The following PDE4D variants were observed in gnomAD, a reference collection of about 807,000 sequenced individuals.
PDE4D encodes 3',5'-cyclic-AMP phosphodiesterase 4D.
Under a neutral mutation model 87.4 loss-of-function variants are expected in PDE4D, and 24 were observed. The ratio of observed to expected loss-of-function variants is 0.27; its 90% CI spans 0.20 to 0.39. PDE4D has a LOEUF of 0.39. Ranked by LOEUF, PDE4D falls within the 10% of genes least tolerant of loss-of-function variation. The pLI, the probability that PDE4D is intolerant of heterozygous loss-of-function variation, is 1.00. For missense variants in PDE4D, 714 were observed against 1,041.0 expected (o/e 0.69, Z 4.32); for synonymous variants, 384 against 383.2 (o/e 1.00, Z -0.02).
At chr5:59,591,723 A>G (rs1228556656) in intron 1 of PDE4D, among the ~76,000 whole-genome samples, 2 of 152,206 alleles carry the variant, frequency 1.3e-5, no homozygotes, top group African/African-American at 2.4e-5. Context: ...TGTCAAAAAC[A>G]AAACACTTGG....
At chr5:59,879,898 G>A (rs1353130045) in intron 1 of PDE4D, among the ~76,000 whole-genome samples, 1 of 151,980 alleles carries the variant, frequency 6.6e-6, no homozygotes, top group Admixed American at 6.6e-5. Flanking sequence ...ACACCACCAC[G>A]TCCAGCTAAT....
At chr5:59,859,862 T>C (rs1325186960) in intron 1 of PDE4D, among the ~76,000 whole-genome samples, 1 of 152,150 alleles carries the variant, frequency 6.6e-6, no homozygotes, top group Non-Finnish European at 1.5e-5. Context: ...GATTTCAAGA[T>C]TGATATGATC....
At chr5:59,288,273 C>T (rs565411467) in intron 1 of PDE4D, among the ~76,000 whole-genome samples, 94 of 151,800 alleles carry the variant, frequency 6.2e-4, no homozygotes, top group South Asian at 2.5e-3. Flanking sequence ...AAGAATCAAG[C>T]GGAAATTCTG....
intron 1 of PDE4D, among the ~76,000 whole-genome samples, chr5:59,457,817 A>C (rs1243332811): frequency 2.6e-5 from 4 of 152,034 alleles, no homozygotes; most frequent in Non-Finnish European, 5.9e-5. Context: ...AATCGCTTGA[A>C]CCCAGGAAAC....
chr5:59,544,599 C>T (rs929827264), intron 1 of PDE4D, among the ~76,000 whole-genome samples: 1 of 152,170 alleles, frequency 6.6e-6, no homozygotes, highest in Non-Finnish European at 1.5e-5. Flanking sequence ...TTCAGAGCAA[C>T]AAATAAATTC....
At chr5:59,282,469 C>T (rs4700329) in intron 1 of PDE4D, among the ~76,000 whole-genome samples, 47,329 of 151,196 alleles carry the variant, frequency 0.31, 9,270 homozygotes, top group East Asian at 0.68. Context: ...GGTGAAACCC[C>T]GTCTCTACTA....
At chr5:60,417,887 C>A (rs1252781558) in intron 1 of PDE4D, among the ~76,000 whole-genome samples, 1 of 146,550 alleles carries the variant, frequency 6.8e-6, no homozygotes, top group African/African-American at 2.5e-5. Context: ...AAAGGGAATG[C>A]AAGAGAGAGG....
chr5:59,428,910 C>T (rs902591219), intron 1 of PDE4D, among the ~76,000 whole-genome samples: 1 of 152,108 alleles, frequency 6.6e-6, no homozygotes, highest in African/African-American at 2.4e-5. Context: ...GGTATTTTTA[C>T]AAATCCCAAG....
rs1237487684 is a variant in PDE4D, at chr5:59,180,636, G to A, written c.767C>T (p.Pro256Leu). ...LQDRAPSKRS[P>L]MCNQPSINKA... ...GTTGATGGATGGTTGGTTGCACATG[G>A]GTGATCTTCTGACAAAGACAGAAAA... The change falls in exon 5 of 15, where the codon CCC becomes CTC. Residue 256 changes from proline to leucine, a missense_variant. This residue lies in a region of PDE4D where 90 missense variants were observed against 177.6 expected (regional missense o/e 0.51). Transcript: ENST00000340635. 6.2e-7 allele frequency: 1 copy of A among 1,613,080 alleles called. No homozygotes were observed. Among genetic ancestry groups the A allele is most frequent in the Admixed American group, 1.7e-5 (1 of 59,972 alleles).
chr5:59,870,940 T>G (rs1430079057), intron 1 of PDE4D, among the ~76,000 whole-genome samples: 1 of 152,116 alleles, frequency 6.6e-6, no homozygotes, highest in East Asian at 1.9e-4. Context: ...ATGTAATTCA[T>G]TTTTTAAGTT....
In PDE4D at chr5:59,883,266, T is replaced by G. The variant is rs115662884; in HGVS notation, c.455+9902A>C. ...AAAATAAGACCTTAGTTTTTAATCT[T>G]AAGGACCAGAGAACACATACAGCAT... On this transcript the variant is annotated intron_variant, in intron 1 of 14. Transcript: ENST00000340635. Among the ~76,000 whole-genome samples, 610 of 152,342 alleles carry G rather than the reference T, an allele frequency of 4.0e-3. 3 individuals carry two copies. Among genetic ancestry groups the G allele is most frequent in the African/African-American group, 0.014 (580 of 41,570 alleles).
intron 1 of PDE4D, among the ~76,000 whole-genome samples, chr5:60,313,383 G>A (rs1755229887): frequency 6.6e-6 from 1 of 152,112 alleles, no homozygotes; most frequent in Non-Finnish European, 1.5e-5. Flanking sequence ...ATTGAACTAG[G>A]AAGAAATTCA....
At chr5:59,836,023 T>C (rs181693391) in intron 1 of PDE4D, among the ~76,000 whole-genome samples, 4 of 152,100 alleles carry the variant, frequency 2.6e-5, no homozygotes, top group Admixed American at 2.0e-4. Flanking sequence ...ATCTATAAAA[T>C]ATGCTAAAAT....
At chr5:59,178,498 A>G (rs1159987410) in intron 5 of PDE4D, among the ~76,000 whole-genome samples, 2 of 151,966 alleles carry the variant, frequency 1.3e-5, no homozygotes, top group African/African-American at 4.8e-5. Context: ...CCCCCTTACT[A>G]TGTATACATT....
intron 1 of PDE4D, among the ~76,000 whole-genome samples, chr5:60,518,064 G>A (rs1750878312): frequency 6.6e-6 from 1 of 152,226 alleles, no homozygotes; most frequent in African/African-American, 2.4e-5. Flanking sequence ...TGCCAGCAGT[G>A]GAAGCCATCT....
chr5:60,123,175 G>A (rs149449387), intron 2 of PDE4D, among the ~76,000 whole-genome samples: 201 of 152,246 alleles, frequency 1.3e-3, no homozygotes, highest in African/African-American at 4.5e-3. Context: ...ACATTATTCT[G>A]TCTTCTTCTG....
At chr5:59,075,500 C>CA (rs56356290) in intron 5 of PDE4D, among the ~76,000 whole-genome samples, 36,611 of 149,074 alleles carry the variant, frequency 0.25, 5,230 homozygotes, top group Middle Eastern at 0.35. Context: ...ACATTTGTTG[C>CA]AAAAAAAAAC....
At position 59,769,333 on chromosome 5, in the gene PDE4D, T is replaced by C. The variant is rs570780420; in HGVS notation, c.455+123835A>G. 3.9e-5 allele frequency among the ~76,000 whole-genome samples: 6 copies of C among 152,352 alleles called. No individual in the cohort carries two copies. In the South Asian group the frequency reaches 1.2e-3, roughly 32 times the overall value. ...CCCTTTCAAAGAACTAACAACACTA[T>C]TTAGACTCACAAATGATATGTTTTC... On this transcript the variant is annotated intron_variant, in intron 1 of 14. Coordinates refer to ENST00000340635, the MANE Select transcript of PDE4D (RefSeq NM_001104631.2).
chr5:59,128,488 G>T (rs1030762918), intron 5 of PDE4D, among the ~76,000 whole-genome samples: 29 of 152,212 alleles, frequency 1.9e-4, no homozygotes, highest in Admixed American at 5.2e-4. Flanking sequence ...CAGTTTGGGG[G>T]CAATTATTAT....
Sources: allele counts gnomAD v4.1 joint callset (sites outside exome capture counted in the v4.1 genomes callset), GRCh38; gene constraint gnomAD v4.1.1; regional missense constraint gnomAD v4.1.1; transcripts MANE v1.5; gene names NCBI Gene and HGNC (gene_info 2026-07-23, HGNC 2026-07-21).